The following PRKCB variants were observed in gnomAD, a reference collection of about 807,000 sequenced individuals.
PRKCB encodes the protein protein kinase C beta type.
PRKCB carries 13 observed loss-of-function variants against 81.5 expected under a neutral mutation model. The ratio of observed to expected loss-of-function variants is 0.16; its 90% CI spans 0.10 to 0.25. PRKCB has a LOEUF of 0.25. Ranked by LOEUF, PRKCB falls within the 10% of genes least tolerant of loss-of-function variation. The pLI is 1.00. For synonymous variants in PRKCB, 335 were observed against 321.4 expected (o/e 1.04, Z -0.45); for missense variants, 509 against 875.7 (o/e 0.58, Z 5.29).
intron 5 of PRKCB, among the ~76,000 whole-genome samples, chr16:24,048,404 G>A (rs935839915): frequency 1.6e-4 from 24 of 152,034 alleles, no homozygotes; most frequent in African/African-American, 5.1e-4. Flanking sequence ...CTTGGACACC[G>A]TCTTATCCTG....
At chr16:23,876,260 T>C (rs1416797206) in intron 2 of PRKCB, among the ~76,000 whole-genome samples, 1 of 152,240 alleles carries the variant, frequency 6.6e-6, no homozygotes, top group African/African-American at 2.4e-5. Flanking sequence ...TACGTAATTT[T>C]ACTTGTAAGT....
intron 9 of PRKCB, among the ~76,000 whole-genome samples, chr16:24,140,157 T>C (rs1193445811): frequency 6.6e-6 from 1 of 152,226 alleles, no homozygotes; most frequent in Non-Finnish European, 1.5e-5. Context: ...TTTAAACATA[T>C]GTTTGTGTGG....
intron 2 of PRKCB, among the ~76,000 whole-genome samples, chr16:23,957,381 G>T (rs531292503): frequency 6.6e-6 from 1 of 152,230 alleles, no homozygotes; most frequent in East Asian, 1.9e-4. Context: ...GCCCTGGAAG[G>T]GTAAAGAAAA....
At chr16:24,058,659 G>C (rs9930905) in intron 5 of PRKCB, among the ~76,000 whole-genome samples, 53,993 of 151,856 alleles carry the variant, frequency 0.36, 12,399 homozygotes, top group African/African-American at 0.66. Flanking sequence ...CATGAGAGAA[G>C]CATGAATGTT....
At chr16:24,115,620 G>C (rs1481223385) in intron 8 of PRKCB, among the ~76,000 whole-genome samples, 1 of 150,328 alleles carries the variant, frequency 6.7e-6, no homozygotes, top group Non-Finnish European at 1.5e-5. Flanking sequence ...TTTATCCCAA[G>C]AGCATTTACC....
rs375062549 is a variant in PRKCB, at chr16:24,072,993, A to G, written c.530-19798A>G. Among the ~76,000 whole-genome samples, 15 of 152,336 alleles carry G rather than the reference A, an allele frequency of 9.8e-5. No homozygotes were observed. The East Asian group carries it at 2.1e-3, about 22-fold the overall frequency. ...CAGTGCTCAGTCATCTTGATCAGAGATGATTATCAAAACATCAAAATATCT... is the reference window on the plus strand; with the variant it reads ...CAGTGCTCAGTCATCTTGATCAGAGGTGATTATCAAAACATCAAAATATCT... On this transcript the variant is annotated intron_variant, in intron 5 of 16. Coordinates refer to ENST00000643927, the MANE Select transcript of PRKCB (RefSeq NM_002738.7).
At chr16:24,136,778 C>A (rs190318699) in intron 9 of PRKCB, among the ~76,000 whole-genome samples, 4 of 152,252 alleles carry the variant, frequency 2.6e-5, no homozygotes, top group Admixed American at 2.6e-4. Context: ...GGGCAGTTTT[C>A]CTATGAGAAA....
intron 2 of PRKCB, among the ~76,000 whole-genome samples, chr16:23,882,307 C>T (rs1303810777): frequency 6.6e-6 from 1 of 151,980 alleles, no homozygotes; most frequent in East Asian, 1.9e-4. Context: ...TTGTCTCAAA[C>T]TCCTGGCCTC....
At chr16:24,138,162 A>G (rs1211932399) in intron 9 of PRKCB, among the ~76,000 whole-genome samples, 1 of 152,238 alleles carries the variant, frequency 6.6e-6, no homozygotes, top group Non-Finnish European at 1.5e-5. Flanking sequence ...GGTTCAAACC[A>G]GGGAGCCTGG....
At chr16:23,910,635 A>G (rs1435811298) in intron 2 of PRKCB, among the ~76,000 whole-genome samples, 1 of 151,722 alleles carries the variant, frequency 6.6e-6, no homozygotes, top group Admixed American at 6.6e-5. Context: ...TTTTAATCCC[A>G]TTTAAAAATA....
At chr16:24,108,342 TA>T (rs201125703) in intron 7 of PRKCB, among the ~76,000 whole-genome samples, 1,907 of 143,732 alleles carry the variant, frequency 0.013, 12 homozygotes, top group African/African-American at 0.027. Flanking sequence ...TATTTTTTTT[TA>T]AATTTATTTA....
chr16:24,213,144 C>T (rs544265104), intron 16 of PRKCB, among the ~76,000 whole-genome samples: 1 of 152,166 alleles, frequency 6.6e-6, no homozygotes, highest in South Asian at 2.1e-4. Context: ...AAGCTATTCT[C>T]CTGCTTCAGC....
chr16:23,838,109 G>A (rs1017726570), intron 2 of PRKCB, among the ~76,000 whole-genome samples: 1 of 152,166 alleles, frequency 6.6e-6, no homozygotes, highest in Non-Finnish European at 1.5e-5. Context: ...CCCCGTCTTT[G>A]GGGCTCATGT....
intron 16 of PRKCB, among the ~76,000 whole-genome samples, chr16:24,206,107 TAA>T (rs1409791847): frequency 6.6e-6 from 1 of 152,084 alleles, no homozygotes; most frequent in Non-Finnish European, 1.5e-5. Flanking sequence ...TAAATAAACA[TAA>T]GAGATAAAAG....
intron 2 of PRKCB, among the ~76,000 whole-genome samples, chr16:23,908,592 C>T (rs1027520773): frequency 2.6e-5 from 4 of 151,984 alleles, no homozygotes; most frequent in African/African-American, 9.7e-5. Context: ...AGTGCAGTGG[C>T]GCCATCTCGG....
intron 2 of PRKCB, among the ~76,000 whole-genome samples, chr16:23,929,767 G>A (rs1337846473): frequency 6.6e-6 from 1 of 151,900 alleles, no homozygotes; most frequent in African/African-American, 2.4e-5. Context: ...TTTCTTGTCT[G>A]GAAAAATACT....
intron 10 of PRKCB, among the ~76,000 whole-genome samples, chr16:24,170,715 C>A (rs1014074702): frequency 4.6e-5 from 7 of 152,312 alleles, no homozygotes; most frequent in Admixed American, 6.5e-5. Context: ...ACAAGGAAAC[C>A]CAGGTGTTGA....
intron 2 of PRKCB, among the ~76,000 whole-genome samples, chr16:23,949,471 T>C (rs1370994856): frequency 1.3e-5 from 2 of 152,222 alleles, no homozygotes; most frequent in African/African-American, 4.8e-5. Flanking sequence ...ATTCTCATGG[T>C]CTTGGAACTT....
chr16:23,859,272 A>G (rs557504465), intron 2 of PRKCB, among the ~76,000 whole-genome samples: 1 of 152,358 alleles, frequency 6.6e-6, no homozygotes, highest in Admixed American at 6.5e-5. Flanking sequence ...ATCCCTGGTC[A>G]GTCTTTGGCC....
Sources: gnomAD v4.1 joint callset for allele counts (sites outside exome capture counted in the v4.1 genomes callset) on GRCh38, gnomAD v4.1.1 for gene constraint, MANE v1.5 for transcripts, NCBI Gene and HGNC (gene_info 2026-07-23, HGNC 2026-07-21) for gene names.